BRCA1: variants seen among roughly 807,000 people sequenced by gnomAD.
The protein encoded by BRCA1 is breast cancer type 1 susceptibility protein.
A neutral mutation model predicts 173.7 loss-of-function variants in BRCA1; 140 were observed. The ratio of observed to expected loss-of-function variants is 0.81; its 90% CI spans 0.70 to 0.93. The LOEUF is 0.93. BRCA1 is among the 40% of genes least tolerant of loss of function. BRCA1 has a pLI of 0.00. For missense variants in BRCA1, 1,983 were observed against 2,172.5 expected (o/e 0.91, Z 1.73); for synonymous variants, 662 against 756.0 (o/e 0.88, Z 2.04).
chr17:43,134,988 G>A (rs1480561640), intron 1 of BRCA1, among the ~76,000 whole-genome samples: 1 of 152,214 alleles, frequency 6.6e-6, no homozygotes, highest in Non-Finnish European at 1.5e-5. Flanking sequence ...TAGACTATTG[G>A]CCCCAATTCC....
At chr17:43,097,735 A>G (rs1171698561) in intron 7 of BRCA1, among the ~76,000 whole-genome samples, 1 of 152,248 alleles carries the variant, frequency 6.6e-6, no homozygotes, top group East Asian at 1.9e-4. Context: ...CATCTGTAAA[A>G]TAAGTATAAT....
intron 12 of BRCA1, among the ~76,000 whole-genome samples, chr17:43,079,962 CCTTT>C (rs2052928699): frequency 6.6e-6 from 1 of 152,112 alleles, no homozygotes; most frequent in African/African-American, 2.4e-5. Flanking sequence ...CAGAGCAAAA[CCTTT>C]CTGCTTTTTT....
chr17:43,111,903 T>G (rs567710149), intron 3 of BRCA1, among the ~76,000 whole-genome samples: 1 of 152,282 alleles, frequency 6.6e-6, no homozygotes, highest in South Asian at 2.1e-4. Context: ...CTTGGGTCAA[T>G]AAAGTTGTTT....
chr17:43,053,726 T>C (rs557485744), intron 19 of BRCA1, among the ~76,000 whole-genome samples: 1 of 151,926 alleles, frequency 6.6e-6, no homozygotes, highest in South Asian at 2.1e-4. Context: ...TCCTAGCACT[T>C]TGGGAGGCCG....
intron 3 of BRCA1, among the ~76,000 whole-genome samples, chr17:43,109,743 A>G (rs1287874128): frequency 6.6e-6 from 1 of 152,164 alleles, no homozygotes; most frequent in Non-Finnish European, 1.5e-5. Context: ...AACAATTCAG[A>G]GCAGGGGTAG....
rs1260871029 is a variant in BRCA1 at position 43,102,024 on chromosome 17, TC to T, written c.441+2097del. On this transcript the variant is annotated intron_variant, in intron 6 of 22. Transcript: ENST00000357654. ...TTAAAGCAATGCTCCAGCCTCAGCC[TC>T]CCAAGTAGCTAGGACCACAGGTGCA... is the stretch of plus-strand genomic sequence containing the variant. 3.3e-5 allele frequency among the ~76,000 whole-genome samples: 5 copies of T among 152,032 alleles called. No homozygotes were observed. In the East Asian group the frequency reaches 9.7e-4, roughly 29 times the overall value.
chr17:43,104,868 A>C lies in BRCA1; in HGVS notation c.301T>G (p.Tyr101Asp), dbSNP rs1555596637. ...CAFQLDTGLE[Y>D]ANSYNFAKKE... Reference sequence around the variant, plus strand: ...CATTCTTGGGATATTCAACACTTACACTCCAAACCTGTGTCAAGCTGAAAA... The same window carrying C: ...CATTCTTGGGATATTCAACACTTACCCTCCAAACCTGTGTCAAGCTGAAAA... Residue 101 changes from tyrosine to aspartate, a missense_variant and splice_region_variant, in exon 5 of 23, where the codon TAT becomes GAT. Tyr to Asp is a radical substitution (Grantham distance 160). Coordinates refer to ENST00000357654, the MANE Select transcript of BRCA1 (RefSeq NM_007294.4). 6.2e-7 allele frequency: 1 copy of C among 1,612,916 alleles called. No individual in the cohort carries two copies. The highest frequency in any genetic ancestry group is 8.5e-7 in the Non-Finnish European group (1 of 1,179,056).
intron 11 of BRCA1, among the ~76,000 whole-genome samples, chr17:43,090,050 A>G (rs886965858): frequency 1.5e-4 from 20 of 129,596 alleles, no homozygotes; most frequent in Admixed American, 6.3e-4. Context: ...TTTAAAAGGG[A>G]AAAAAAAAAA....
intron 1 of BRCA1, among the ~76,000 whole-genome samples, chr17:43,136,870 TG>T (rs1208173183): frequency 1.3e-5 from 2 of 152,232 alleles, no homozygotes; most frequent in Non-Finnish European, 2.9e-5. Context: ...GAAAACAGTG[TG>T]GTGATTCCTC....
chr17:43,065,433 C>T (rs1224814858), intron 16 of BRCA1, among the ~76,000 whole-genome samples: 1 of 152,066 alleles, frequency 6.6e-6, no homozygotes, highest in Non-Finnish European at 1.5e-5. Context: ...CTTTGGGAGG[C>T]CGAGGTAGGT....
chr17:43,100,675 TATAATATA>T, intron 6 of BRCA1, among the ~76,000 whole-genome samples: 1 of 15,548 alleles, frequency 6.4e-5, no homozygotes, highest in East Asian at 1.6e-3. Flanking sequence ...TATATATATA[TATAATATA>T]TATATATATA....
rs906236078 is a variant in BRCA1 at position 43,091,264 on chromosome 17, G to C, written c.4096+171C>G. On this transcript the variant is annotated intron_variant, in intron 10 of 22. Transcript: ENST00000357654. ...CAGTCAAAGATGACGTCCTAGCTGT[G>C]TGAAGGACTTTTTTCTATGAAAAGC... The C allele has an allele frequency of 6.4e-6, 6 of 931,842 alleles. No homozygotes were observed. The African/African-American group carries it at 9.9e-5, about 15-fold the overall frequency. 57.7% of individuals were successfully genotyped at this position (931,842 alleles called of 1,614,324 possible). A position where few individuals can be genotyped will look rare whatever the true frequency, so the allele number is the denominator to read the frequency against.
At chr17:43,096,414 A>T (rs1018607175) in intron 8 of BRCA1, among the ~76,000 whole-genome samples, 2 of 150,432 alleles carry the variant, frequency 1.3e-5, no homozygotes, top group Non-Finnish European at 3.0e-5. Context: ...AAAGAAATGG[A>T]ATGGTCAATT....
intron 1 of BRCA1, among the ~76,000 whole-genome samples, chr17:43,152,392 A>G (rs2056167289): frequency 6.6e-6 from 1 of 152,216 alleles, no homozygotes; most frequent in Admixed American, 6.5e-5. Context: ...AGCAAGACGT[A>G]GTAGAGACGC....
At chr17:43,110,341 C>T (rs1042485492) in intron 3 of BRCA1, 15 of 209,012 alleles carry the variant, frequency 7.2e-5, no homozygotes, top group Non-Finnish European at 1.4e-4. Context: ...AATCCTAGCA[C>T]TTTGGGATGC....
chr17:43,118,341 G>T (rs1192514206), intron 2 of BRCA1, among the ~76,000 whole-genome samples: 1 of 151,884 alleles, frequency 6.6e-6, no homozygotes, highest in Non-Finnish European at 1.5e-5. Context: ...GAACCTATAG[G>T]CTATTTTAAA....
At chr17:43,101,441 C>A (rs1024215101) in intron 6 of BRCA1, among the ~76,000 whole-genome samples, 1 of 151,366 alleles carries the variant, frequency 6.6e-6, no homozygotes, top group Admixed American at 6.6e-5. Flanking sequence ...GAGATCCACC[C>A]GCCTTGGCCT....
intron 8 of BRCA1, 59 bp from the exon 9 acceptor site, chr17:43,095,981 C>A: frequency 7.3e-7 from 1 of 1,367,468 alleles, no homozygotes; most frequent in South Asian, 1.2e-5. Flanking sequence ...GCAGAACTGT[C>A]AAATGACCAA....
chr17:43,065,732 ATT>A (rs1188121660), intron 16 of BRCA1, among the ~76,000 whole-genome samples: 1 of 152,140 alleles, frequency 6.6e-6, no homozygotes, highest in Non-Finnish European at 1.5e-5. Flanking sequence ...CAGAGAACTA[ATT>A]TTGTTAGAAA....
Sources: allele counts gnomAD v4.1 joint callset (sites outside exome capture counted in the v4.1 genomes callset), GRCh38; gene constraint gnomAD v4.1.1; transcripts MANE v1.5; gene names NCBI Gene and HGNC (gene_info 2026-07-23, HGNC 2026-07-21).